The following GALR1 variants were observed in gnomAD, a reference collection of about 807,000 sequenced individuals.
GALR1 encodes galanin receptor type 1.
Under a neutral mutation model 17.9 loss-of-function variants are expected in GALR1, and 11 were observed. The ratio of observed to expected loss-of-function variants is 0.62; its 90% CI spans 0.39 to 1.02. The LOEUF (loss-of-function observed/expected upper bound fraction) is 1.02, where lower values mean the gene tolerates loss of function less well. Among genes scored for constraint, GALR1 ranks in the 50% least tolerant of loss-of-function variants. The pLI, the probability that GALR1 is intolerant of heterozygous loss-of-function variation, is 0.01. For missense variants in GALR1, 441 were observed against 456.9 expected (o/e 0.97, Z 0.32); for synonymous variants, 206 against 205.7 (o/e 1.00, Z -0.01).
At chr18:77,258,811 CATAGTGGTGGTGGTG>C (rs1912692257) in intron 2 of GALR1, among the ~76,000 whole-genome samples, 3 of 55,368 alleles carry the variant, frequency 5.4e-5, no homozygotes, top group African/African-American at 8.8e-5. Context: ...TGGTGGTGGT[CATAGTGGTGGTGGTG>C]CTGGTGATGG....
chr18:77,265,451 C>T (rs1912924115), intron 2 of GALR1, among the ~76,000 whole-genome samples: 1 of 152,182 alleles, frequency 6.6e-6, no homozygotes, highest in African/African-American at 2.4e-5. Flanking sequence ...TATGGCTTTT[C>T]CAGGTGCAGG....
chr18:77,252,941 C>CCAT (rs1912482912), intron 1 of GALR1, among the ~76,000 whole-genome samples: 5 of 52,534 alleles, frequency 9.5e-5, no homozygotes, highest in South Asian at 5.6e-4. Flanking sequence ...ACCACCACCA[C>CCAT]CACCACCATC....
At position 77,273,066 on chromosome 18, in the gene GALR1, T is replaced by G. The variant is rs949982259; in HGVS notation, c.*4164T>G. ...TGTGGATAATAGATGGTGGTTTCTT[T>G]TCTTAGTGTGGCAGGTTCACTCACA... On this transcript the variant is annotated 3_prime_UTR_variant, in exon 3 of 3. Coordinates refer to ENST00000299727, the MANE Select transcript of GALR1 (RefSeq NM_001480.4). 1.3e-5 allele frequency: 2 copies of G among 152,194 alleles called. No homozygotes were observed. The highest frequency in any genetic ancestry group is 3.9e-4 in the East Asian group (2 of 5,192). The allele number at this position is 152,194 out of a possible 1,614,324, so 9.4% of individuals were successfully genotyped here.
At chr18:77,260,071 A>T (rs74540285) in intron 2 of GALR1, among the ~76,000 whole-genome samples, 7,233 of 152,174 alleles carry the variant, frequency 0.048, 247 homozygotes, top group Admixed American at 0.092. Context: ...TCCCTTTCTC[A>T]GCTCTGTATC....
At chr18:77,259,316 G>C (rs796530027) in intron 2 of GALR1, among the ~76,000 whole-genome samples, 5 of 114,494 alleles carry the variant, frequency 4.4e-5, no homozygotes, top group African/African-American at 6.3e-5. Flanking sequence ...TGGTGGTGAT[G>C]ATGGTGGTCA....
At chr18:77,266,499 G>A (rs1004274135) in intron 2 of GALR1, among the ~76,000 whole-genome samples, 1 of 152,166 alleles carries the variant, frequency 6.6e-6, no homozygotes, top group African/African-American at 2.4e-5. Context: ...ACATTTTTGA[G>A]TATCTTTACA....
At position 77,254,688 on chromosome 18, in the gene GALR1, C is replaced by T. The variant is rs561184459; in HGVS notation, c.667-1470C>T. 7.9e-5 allele frequency among the ~76,000 whole-genome samples: 12 copies of T among 152,334 alleles called. 1 individual carries two copies. The East Asian group carries it at 1.3e-3, about 17-fold the overall frequency. ...CCAGCCCTTTCCTTCCCCTTTGAAA[C>T]GCTCTCATTTGCTCCTGCAGGAAAT... On this transcript the variant is annotated intron_variant, in intron 1 of 2. Transcript: ENST00000299727.
intron 2 of GALR1, among the ~76,000 whole-genome samples, chr18:77,267,075 T>C (rs1912958387): frequency 6.6e-6 from 1 of 152,222 alleles, no homozygotes; most frequent in Non-Finnish European, 1.5e-5. Flanking sequence ...TTAATGTTCC[T>C]TTTTTCCTAT....
At position 77,250,564 on chromosome 18, in the gene GALR1, G is replaced by A. The variant is rs929449672; in HGVS notation, c.16G>A (p.Gly6Arg). 3.1e-5 allele frequency: 48 copies of A among 1,534,194 alleles called. No homozygotes were observed. Among genetic ancestry groups the A allele is most frequent in the Admixed American group, 2.0e-4 (10 of 50,960 alleles). ...CCCGCGGGCCATGGAGCTGGCGGTC[G>A]GGAACCTCAGCGAGGGCAACGCGAG... MELAV[G>R]NLSEGNASWP... The change falls in exon 1 of 3, where the codon GGG becomes AGG. Residue 6 changes from glycine (G) to arginine (R), a missense_variant. Coordinates refer to ENST00000299727, the MANE Select transcript of GALR1 (RefSeq NM_001480.4).
intron 2 of GALR1, among the ~76,000 whole-genome samples, chr18:77,260,627 AT>A (rs1297383412): frequency 1.3e-5 from 2 of 152,348 alleles, no homozygotes; most frequent in East Asian, 1.9e-4. Flanking sequence ...AGTTATAATT[AT>A]TATGGGGTGG....
chr18:77,262,752 T>C (rs1430697425), intron 2 of GALR1, among the ~76,000 whole-genome samples: 1 of 152,216 alleles, frequency 6.6e-6, no homozygotes, highest in Non-Finnish European at 1.5e-5. Context: ...CTGAGACAGA[T>C]GATATAGTTT....
At chr18:77,258,845 GTGGTGGTGA>G (rs1178317565) in intron 2 of GALR1, among the ~76,000 whole-genome samples, 1 of 5,152 alleles carries the variant, frequency 1.9e-4, no homozygotes, top group African/African-American at 5.7e-4. Context: ...GGTGGTGATG[GTGGTGGTGA>G]TGGTGGTGGT....
At chr18:77,254,324 A>C (rs1198348985) in intron 1 of GALR1, among the ~76,000 whole-genome samples, 1 of 152,202 alleles carries the variant, frequency 6.6e-6, no homozygotes, top group Non-Finnish European at 1.5e-5. Flanking sequence ...AGTAGGAGCT[A>C]TTGAAGAGAA....
At chr18:77,261,001 T>TG (rs1491311940) in intron 2 of GALR1, among the ~76,000 whole-genome samples, 2 of 1,256 alleles carry the variant, frequency 1.6e-3, no homozygotes, top group African/African-American at 1.7e-3. Context: ...ATTTGTGAGG[T>TG]TTTTTTTTTT....
intron 1 of GALR1, among the ~76,000 whole-genome samples, 157 bp from the exon 2 acceptor site, chr18:77,256,001 T>C (rs1315642029): frequency 1.3e-5 from 2 of 152,240 alleles, no homozygotes; most frequent in Admixed American, 1.3e-4. Flanking sequence ...TGGCAACTCA[T>C]GTTCATTGTT....
At chr18:77,252,959 T>TCACCACCACCAC (rs1912488840) in intron 1 of GALR1, among the ~76,000 whole-genome samples, 4 of 26,138 alleles carry the variant, frequency 1.5e-4, no homozygotes, top group Non-Finnish European at 2.4e-4. Context: ...ATCACCACCA[T>TCACCACCACCAC]CACCACCACC....
In GALR1 at chr18:77,250,541, C is replaced by G; in HGVS notation, c.-8C>G. On this transcript the variant is annotated 5_prime_UTR_variant, in exon 1 of 3. Transcript: ENST00000299727. The stretch of plus-strand genomic sequence containing the variant: ...GCCCCGCCGCTCGCCGGGACAGCCC[C>G]GCGGGCCATGGAGCTGGCGGTCGGG... 1 of 1,512,314 alleles carries G rather than the reference C, an allele frequency of 6.6e-7. No homozygotes were observed. The highest frequency in any genetic ancestry group is 1.3e-5 in the South Asian group (1 of 78,750). 93.7% of individuals were successfully genotyped at this position (1,512,314 alleles called of 1,614,324 possible). A position where few individuals can be genotyped will look rare whatever the true frequency, so the allele number is the denominator to read the frequency against.
intron 1 of GALR1, among the ~76,000 whole-genome samples, chr18:77,254,823 C>G (rs748917114): frequency 4.6e-5 from 7 of 152,202 alleles, no homozygotes; most frequent in African/African-American, 1.7e-4. Context: ...AATGCTCCTG[C>G]GGCACGTAAA....
chr18:77,271,708 A>G lies in GALR1; in HGVS notation c.*2806A>G, dbSNP rs1023799286. On this transcript the variant is annotated 3_prime_UTR_variant, in exon 3 of 3. Transcript: ENST00000299727. The stretch of plus-strand genomic sequence containing the variant: ...AAACTCACATTTTCAGTTTACTTCA[A>G]AGAAAACTGATGCTTTCTAAGCAGA... 5 of 152,216 alleles carry G rather than the reference A, an allele frequency of 3.3e-5. No homozygotes were observed. Among genetic ancestry groups the G allele is most frequent in the Non-Finnish European group, 7.3e-5 (5 of 68,042 alleles). The allele number at this position is 152,216 out of a possible 1,614,324, so 9.4% of individuals were successfully genotyped here. A position where few individuals can be genotyped will look rare whatever the true frequency, so the allele number is the denominator to read the frequency against.
Sources: gnomAD v4.1 joint callset for allele counts (sites outside exome capture counted in the v4.1 genomes callset) on GRCh38, gnomAD v4.1.1 for gene constraint, MANE v1.5 for transcripts, NCBI Gene and HGNC (gene_info 2026-07-23, HGNC 2026-07-21) for gene names.